Variants in DKC1 observed in about 807,000 individuals in gnomAD.
The protein encoded by DKC1 is H/ACA ribonucleoprotein complex subunit DKC1.
Under a neutral mutation model 46.7 loss-of-function variants are expected in DKC1, and 4 were observed. That is an observed-to-expected ratio of 0.09 (90% CI 0.04 to 0.20). The LOEUF is 0.20. Among genes scored for constraint, DKC1 ranks in the 10% least tolerant of loss-of-function variants. DKC1 has a pLI of 1.00. For synonymous variants in DKC1, 141 were observed against 142.4 expected (o/e 0.99, Z 0.07); for missense variants, 171 against 404.2 (o/e 0.42, Z 4.95).
intron 1 of DKC1, among the ~76,000 whole-genome samples, chrX:154,764,397 C>G (rs1461567519): frequency 9.2e-6 from 1 of 108,877 alleles, no homozygotes; most frequent in African/African-American, 3.3e-5. Flanking sequence ...AATCTGTACA[C>G]CTAGGCTACA....
At chrX:154,775,146 C>T (rs377719392) in intron 12 of DKC1, 49 bp from the exon 13 acceptor site, 303 of 1,102,174 alleles carry the variant, frequency 2.7e-4, no homozygotes, top group Non-Finnish European at 3.6e-4. Flanking sequence ...ATCAGTACTG[C>T]CCTGGAAAGC....
At chrX:154,765,858 T>C (rs1557264091) in intron 3 of DKC1, 49 bp from the exon 4 acceptor site, 1 of 993,243 alleles carries the variant, frequency 1.0e-6, no homozygotes, top group Non-Finnish European at 1.4e-6. Flanking sequence ...TTTTTTTACA[T>C]GTGCTCACGA....
At position 154,767,078 on chromosome X, in the gene DKC1, A is replaced by T. The variant is rs782686999; in HGVS notation, c.513+17A>T. On this transcript the variant is annotated intron_variant, in intron 6 of 14. Coordinates refer to ENST00000369550, the MANE Select transcript of DKC1 (RefSeq NM_001363.5). ...CTTTCTAGGGTAAGTCTGCAATTGT[A>T]GGGAGGACACCCTTTGTTGACTTGG... 8.3e-7 allele frequency: 1 copy of T among 1,203,807 alleles called. No individual in the cohort carries two copies.
At chrX:154,768,739 A>G (rs2071782789) in intron 8 of DKC1, 1 of 354,558 alleles carries the variant, frequency 2.8e-6, no homozygotes, top group African/African-American at 2.6e-5. Context: ...TAATCCCAGC[A>G]CTTTGGGAGG....
At position 154,767,484 on chromosome X, in the gene DKC1, C is replaced by T. The variant is rs2093948728; in HGVS notation, c.640+102C>T. The T allele has an allele frequency of 4.1e-6, 4 of 979,317 alleles. No individual in the cohort carries two copies. In the Admixed American group the frequency reaches 8.9e-5, roughly 22 times the overall value. 80.7% of individuals were successfully genotyped at this position (979,317 alleles called of 1,213,427 possible). ...GAAGTTGAAGACTTTCTAAAACCTG[C>T]CCTACAGCTGGGATATTGTCTGTGG... is the stretch of plus-strand genomic sequence containing the variant. On this transcript the variant is annotated intron_variant, in intron 7 of 14. Transcript: ENST00000369550.
At chrX:154,765,084 T>C in intron 2 of DKC1, 118 bp downstream of exon 2, 1 of 634,351 alleles carries the variant, frequency 1.6e-6, no homozygotes, top group Non-Finnish European at 2.6e-6. Context: ...TTGGTAGTCA[T>C]TGTGTAGATT....
At chrX:154,765,682 A>C (rs1331140067) in intron 3 of DKC1, 152 bp downstream of exon 3, 11 of 592,088 alleles carry the variant, frequency 1.9e-5, no homozygotes, top group Non-Finnish European at 3.1e-5. Flanking sequence ...AAGGTATCTG[A>C]AATGAGAACC....
intron 9 of DKC1, 50 bp from the exon 10 acceptor site, chrX:154,770,709 G>T (rs2071812585): frequency 2.5e-6 from 3 of 1,207,249 alleles, no homozygotes; most frequent in East Asian, 5.9e-5. Flanking sequence ...GTGTGGGAGT[G>T]GGGTGGAGGG....
intron 12 of DKC1, chrX:154,774,959 A>T (rs782698777): frequency 6.4e-5 from 37 of 574,934 alleles, no homozygotes; most frequent in African/African-American, 5.8e-4. Flanking sequence ...CTCCCGTGAG[A>T]TTTTGGCTGC....
At chrX:154,770,197 G>A (rs1231707282) in intron 9 of DKC1, among the ~76,000 whole-genome samples, 1 of 111,073 alleles carries the variant, frequency 9.0e-6, no homozygotes, top group Non-Finnish European at 1.9e-5. Context: ...GACCACGTGC[G>A]GTGGCTCACA....
intron 13 of DKC1, 92 bp downstream of exon 13, chrX:154,775,365 T>A (rs1557265575): frequency 1.2e-6 from 1 of 850,880 alleles, no homozygotes; most frequent in Non-Finnish European, 1.7e-6. Flanking sequence ...CTGTCCGCAG[T>A]CCAGCCATAT....
Position 154,776,839 on chromosome X carries a change from C to T in DKC1, c.1517C>T (p.Ala506Val), listed in dbSNP as rs2071905808. 1.7e-6 allele frequency: 2 copies of T among 1,203,651 alleles called. No individual in the cohort carries two copies. The highest frequency in any genetic ancestry group is 2.2e-6 in the Non-Finnish European group (2 of 891,608). ...TTKKKKKKKK[A>V]KEVELVSE ...AAGAAGAAGAAGAAGAAGAAGAAAG[C>T]AAAAGAGGTAGAATTGGTTTCTGAG... The change falls in exon 15 of 15, where the codon GCA (alanine) becomes GTA (valine). Residue 506 changes from alanine (A) to valine (V), a missense_variant. Coordinates refer to ENST00000369550, the MANE Select transcript of DKC1 (RefSeq NM_001363.5).
chrX:154,771,936 T>C (rs1035020568), intron 10 of DKC1, among the ~76,000 whole-genome samples: 7 of 112,093 alleles, frequency 6.2e-5, no homozygotes, highest in African/African-American at 2.3e-4. Flanking sequence ...CTCCAAACTG[T>C]TCTTCATAGT....
At position 154,767,843 on chromosome X, in the gene DKC1, CTTTTTTT is replaced by C. The variant is rs35184460; in HGVS notation, c.641-440_641-434del. Among the ~76,000 whole-genome samples, 201 of 65,178 alleles carry C rather than the reference CTTTTTTT, an allele frequency of 3.1e-3. 2 individuals are homozygous for C. The highest frequency in any genetic ancestry group is 0.013 in the African/African-American group (192 of 14,770). 56.6% of individuals were successfully genotyped at this position (65,178 alleles called of 115,157 possible). The stretch of plus-strand genomic sequence containing the variant: ...TTCTGCTAATATCAGAATTACAGAT[CTTTTTTT>C]TTTTTTTTTTTTTTTTTTGAGACGG... On this transcript the variant is annotated intron_variant, in intron 7 of 14. Transcript: ENST00000369550.
intron 7 of DKC1, 53 bp downstream of exon 7, chrX:154,767,435 C>A: frequency 8.4e-7 from 1 of 1,195,252 alleles, no homozygotes; most frequent in Non-Finnish European, 1.1e-6. Flanking sequence ...GGATTCTGTT[C>A]TCTTATTAAA....
chrX:154,764,946 T>G lies in DKC1; in HGVS notation c.64T>G (p.Leu22Val), dbSNP rs781849751. The G allele has an allele frequency of 9.9e-6, 12 of 1,206,678 alleles. No individual in the cohort carries two copies. Among genetic ancestry groups the G allele is most frequent in the Non-Finnish European group, 1.2e-5 (11 of 891,694 alleles). Residue 22 changes from leucine (L) to valine (V), a missense_variant, in exon 2 of 15, where the codon TTG becomes GTG. Physicochemically the swap from Leu to Val is conservative, Grantham distance 32 (BLOSUM62 1). This residue lies in a region of DKC1 where 41 missense variants were observed against 117.3 expected (regional missense o/e 0.35). Transcript: ENST00000369550. Reference protein sequence around the residue: ...KHKKKKERKSLPEEDVAEIQH... With the variant: ...KHKKKKERKSVPEEDVAEIQH... ...TAAGAAGAAAAAGGAGCGGAAGTCA[T>G]TGCCAGAAGAAGATGTAGCCGTGAG...
chrX:154,770,675 C>G, intron 9 of DKC1, 84 bp from the exon 10 acceptor site: 1 of 1,166,584 alleles, frequency 8.6e-7, no homozygotes. Flanking sequence ...AGGCCCCACT[C>G]CCTTGTTGTC....
chrX:154,772,685 C>G (rs1410138789), intron 10 of DKC1, among the ~76,000 whole-genome samples: 7 of 112,052 alleles, frequency 6.2e-5, no homozygotes, highest in African/African-American at 2.3e-4. Flanking sequence ...GTGAATGAAC[C>G]TTAGAGCTAT....
rs58087354 is a variant in DKC1 at position 154,771,485 on chromosome X, A to ATTTTTT, written c.1036+615_1036+620dup. On this transcript the variant is annotated intron_variant, in intron 10 of 14. Transcript: ENST00000369550. ...GGTGTGAGCCACCATGCCGGGCCTG[A>ATTTTTT]TTTTTTTTTTTTTTGTACCCATTAA... 5.8e-3 allele frequency among the ~76,000 whole-genome samples: 555 copies of ATTTTTT among 95,868 alleles called. 7 individuals carry two copies. The highest frequency in any genetic ancestry group is 0.02 in the African/African-American group (530 of 26,231). The allele number at this position is 95,868 out of a possible 115,157, so 83.2% of individuals were successfully genotyped here. A position where few individuals can be genotyped will look rare whatever the true frequency, so the allele number is the denominator to read the frequency against.
Sources: gnomAD v4.1 joint callset for allele counts (sites outside exome capture counted in the v4.1 genomes callset) on GRCh38, gnomAD v4.1.1 for gene constraint, gnomAD v4.1.1 regional missense constraint, MANE v1.5 for transcripts, NCBI Gene and HGNC (gene_info 2026-07-23, HGNC 2026-07-21) for gene names.